The following SBF2 variants were observed in gnomAD, a reference collection of about 807,000 sequenced individuals.
The protein encoded by SBF2 is SET binding factor 2.
SBF2 carries 112 observed loss-of-function variants against 225.2 expected under a neutral mutation model. The observed-to-expected ratio is 0.50, with a 90% CI of 0.43 to 0.58. The LOEUF is 0.58. Among genes scored for constraint, SBF2 ranks in the 20% least tolerant of loss-of-function variants. The pLI is 0.00. For synonymous variants in SBF2, 763 were observed against 773.3 expected (o/e 0.99, Z 0.22); for missense variants, 1,996 against 2,206.2 (o/e 0.90, Z 1.91).
At chr11:10,158,541 A>T (rs1955579779) in intron 2 of SBF2, among the ~76,000 whole-genome samples, 1 of 152,192 alleles carries the variant, frequency 6.6e-6, no homozygotes. Flanking sequence ...TACTATGAAC[A>T]ATCATATGCA....
intron 2 of SBF2, among the ~76,000 whole-genome samples, chr11:10,076,164 C>T (rs1342463508): frequency 6.6e-6 from 1 of 152,186 alleles, no homozygotes; most frequent in Non-Finnish European, 1.5e-5. Context: ...ATACATATTT[C>T]TACTAAGGAA....
At chr11:10,302,745 T>TA (rs1964609212) in intron 1 of SBF2, 1 of 152,340 alleles carries the variant, frequency 6.6e-6, no homozygotes, top group Non-Finnish European at 1.5e-5. Context: ...CGAGCTTTTG[T>TA]AAAGGGCAGC....
Position 9,839,368 on chromosome 11 carries a change from C to A in SBF2, c.3455+130G>T, listed in dbSNP as rs557793759. ...ATGCCAATGAGATGCTTGCTCGTAT[C>A]CTGGAGACCTTGTTCTTATTTTCAG... On this transcript the variant is annotated intron_variant, in intron 26 of 39. Transcript: ENST00000256190. 31 of 907,186 alleles carry A rather than the reference C, an allele frequency of 3.4e-5. No individual in the cohort carries two copies. In the African/African-American group the frequency reaches 4.4e-4, roughly 13 times the overall value. 56.2% of individuals were successfully genotyped at this position (907,186 alleles called of 1,614,324 possible).
chr11:9,864,550 C>A (rs182854542), intron 17 of SBF2, among the ~76,000 whole-genome samples: 1 of 152,062 alleles, frequency 6.6e-6, no homozygotes, highest in Non-Finnish European at 1.5e-5. Context: ...CCATGCCTGG[C>A]TAATTTCTGT....
rs560790205 is a variant in SBF2 at position 9,936,148 on chromosome 11, C to T, written c.1860+25809G>A. Among the ~76,000 whole-genome samples, 76 of 152,188 alleles carry T rather than the reference C, an allele frequency of 5.0e-4. 1 individual carries two copies. Among genetic ancestry groups the T allele is most frequent in the African/African-American group, 1.8e-3 (74 of 41,526 alleles). On this transcript the variant is annotated intron_variant, in intron 16 of 39. Transcript: ENST00000256190. The stretch of plus-strand genomic sequence containing the variant: ...CCATCAAAAAGTGGGTGAAGTATAT[C>T]AACAGACACTTCTCAAAAGAAGACG...
intron 28 of SBF2, among the ~76,000 whole-genome samples, chr11:9,818,761 G>GC (rs1398213435): frequency 1.3e-5 from 2 of 152,148 alleles, no homozygotes; most frequent in Non-Finnish European, 1.5e-5. Flanking sequence ...CACTCTTGTT[G>GC]CCCAGGCTGG....
intron 1 of SBF2, among the ~76,000 whole-genome samples, chr11:10,238,843 G>A (rs900387691): frequency 6.6e-6 from 1 of 150,932 alleles, no homozygotes; most frequent in African/African-American, 2.4e-5. Flanking sequence ...AACCTGGGAG[G>A]CAGAGGTTGC....
intron 38 of SBF2, chr11:9,782,915 C>T (rs140325534): frequency 6.6e-6 from 1 of 151,326 alleles, no homozygotes; most frequent in Non-Finnish European, 1.5e-5. Flanking sequence ...GTCAAAGAGA[C>T]TGCTAGGGAA....
At chr11:9,891,899 A>G (rs1047884474) in intron 17 of SBF2, among the ~76,000 whole-genome samples, 1 of 152,182 alleles carries the variant, frequency 6.6e-6, no homozygotes, top group African/African-American at 2.4e-5. Flanking sequence ...AGATAAACAT[A>G]ACCTTTCATC....
intron 14 of SBF2, among the ~76,000 whole-genome samples, chr11:9,964,314 T>C (rs922790255): frequency 2.0e-5 from 3 of 152,200 alleles, no homozygotes; most frequent in African/African-American, 7.2e-5. Flanking sequence ...TTACAGAGCA[T>C]TGAAAGTATT....
In SBF2 at chr11:9,856,485, C is replaced by T; in HGVS notation, c.2336G>A (p.Ser779Asn). Residue 779 changes from serine to asparagine, a missense_variant, in exon 19 of 40, where the codon AGC becomes AAC. Ser to Asn is a conservative substitution (Grantham distance 46). Coordinates refer to ENST00000256190, the MANE Select transcript of SBF2 (RefSeq NM_030962.4). ...GTTTGTGACAATGCTGTTGCTTCCG[C>T]TCTCCCAGTCACCTGGCGCTGATGT... Reference protein sequence around the residue: ...LRTSAPGDWESGSNSIVTNSI... With the variant: ...LRTSAPGDWENGSNSIVTNSI... 4.3e-6 allele frequency: 7 copies of T among 1,614,132 alleles called. No homozygotes were observed. The highest frequency in any genetic ancestry group is 5.9e-6 in the Non-Finnish European group (7 of 1,180,034).
chr11:9,890,621 C>T (rs1349196950), intron 17 of SBF2, among the ~76,000 whole-genome samples: 1 of 152,138 alleles, frequency 6.6e-6, no homozygotes, highest in Non-Finnish European at 1.5e-5. Flanking sequence ...TTTTTCCTCC[C>T]AGGGTAAACA....
chr11:9,832,038 T>G (rs765994635), intron 27 of SBF2, among the ~76,000 whole-genome samples, 186 bp downstream of exon 27: 7 of 152,244 alleles, frequency 4.6e-5, no homozygotes, highest in Non-Finnish European at 7.3e-5. Context: ...TCAAATTCAA[T>G]GTGGAGCCTC....
intron 2 of SBF2, among the ~76,000 whole-genome samples, chr11:10,100,259 C>T (rs547715981): frequency 4.6e-5 from 7 of 152,358 alleles, no homozygotes; most frequent in Admixed American, 3.3e-4. Flanking sequence ...TACTGGAATT[C>T]ACCCATCTTG....
rs369483148 is a variant in SBF2, at chr11:9,837,825, C to A, written c.3455+1673G>T. ...TGACCTCGGCTCACTGTAACCTCCA[C>A]CACCAGGGTTCAAGTGATTCTCCTG... is the stretch of plus-strand genomic sequence containing the variant. On this transcript the variant is annotated intron_variant, in intron 26 of 39. Transcript: ENST00000256190. Among the ~76,000 whole-genome samples, 3 of 152,132 alleles carry A rather than the reference C, an allele frequency of 2.0e-5. No homozygotes were observed. In the South Asian group the frequency reaches 6.2e-4, roughly 31 times the overall value.
intron 1 of SBF2, among the ~76,000 whole-genome samples, chr11:10,195,955 C>T (rs1414037599): frequency 6.6e-6 from 1 of 151,728 alleles, no homozygotes; most frequent in East Asian, 1.9e-4. Flanking sequence ...GTTAATGAAA[C>T]AAATTGCTAG....
rs866692441 is a variant in SBF2 at position 10,224,714 on chromosome 11, C to G, written c.56-30727G>C. Among the ~76,000 whole-genome samples the G allele has an allele frequency of 2.0e-5, 3 of 152,236 alleles. No homozygotes were observed. The East Asian group carries it at 5.8e-4, about 29-fold the overall frequency. On this transcript the variant is annotated intron_variant, in intron 1 of 39. Coordinates refer to ENST00000256190, the MANE Select transcript of SBF2 (RefSeq NM_030962.4). ...CTTCACATGTTAGTTTGTATGTCAC[C>G]TCTTCAGAGTACCTACCCTGACCAC...
At chr11:9,869,036 A>G (rs985783335) in intron 17 of SBF2, among the ~76,000 whole-genome samples, 1 of 152,244 alleles carries the variant, frequency 6.6e-6, no homozygotes, top group African/African-American at 2.4e-5. Context: ...TACTTCGATC[A>G]AGAGAAACTT....
intron 1 of SBF2, among the ~76,000 whole-genome samples, chr11:10,268,056 A>T (rs1962160052): frequency 6.6e-6 from 1 of 152,208 alleles, no homozygotes; most frequent in Non-Finnish European, 1.5e-5. Flanking sequence ...ACCGCGTAGG[A>T]CAAGTATATG....
Sources: allele counts gnomAD v4.1 joint callset (sites outside exome capture counted in the v4.1 genomes callset), GRCh38; gene constraint gnomAD v4.1.1; transcripts MANE v1.5; gene names NCBI Gene and HGNC (gene_info 2026-07-23, HGNC 2026-07-21).